GLB1L2: variants seen among roughly 807,000 people sequenced by gnomAD.
GLB1L2 encodes the protein galactosidase beta 1 like 2, also known as beta-galactosidase-1-like protein 2.
In GLB1L2, 68 loss-of-function variants were observed where a neutral mutation model predicts 84.1. The observed-to-expected ratio is 0.81, with a 90% CI of 0.67 to 0.99. The LOEUF (loss-of-function observed/expected upper bound fraction) is 0.99. Ranked by LOEUF, GLB1L2 falls within the 50% of genes least tolerant of loss-of-function variation. The pLI is 0.00. For missense variants in GLB1L2, 762 were observed against 805.6 expected, an observed-to-expected ratio of 0.95 and a Z score of 0.66; for synonymous variants, 290 against 318.0, an observed-to-expected ratio of 0.91 and a Z score of 0.94.
In GLB1L2 at chr11:134,339,453, T is replaced by G. The variant is rs10791354; in HGVS notation, c.87-3301T>G. On this transcript the variant is annotated intron_variant, in intron 1 of 18. Coordinates refer to ENST00000535456, the MANE Select transcript of GLB1L2 (RefSeq NM_001370461.1). This position sits in a 1 kb window ranked among gnomAD's most constrained non-coding sequence, Gnocchi z 5.7. ...ACACGTATCATCCTCATTTTCTTGGTGAATCCATCCCTTTTAATAAGGTAT... is the reference window on the plus strand; with the variant it reads ...ACACGTATCATCCTCATTTTCTTGGGGAATCCATCCCTTTTAATAAGGTAT... 0.32 allele frequency among the ~76,000 whole-genome samples: 49,296 copies of G among 151,942 alleles called. 8,400 individuals are homozygous for G. The highest frequency in any genetic ancestry group is 0.38 in the Non-Finnish European group (26,083 of 67,948).
chr11:134,342,673 C>T (rs888887049), intron 1 of GLB1L2, 81 bp from the exon 2 acceptor site: 3 of 1,378,978 alleles, frequency 2.2e-6, no homozygotes, highest in Non-Finnish European at 3.0e-6. Flanking sequence ...AGAGAAATGC[C>T]GAGGACCTGC....
At chr11:134,332,196 C>T (rs917815309) in intron 1 of GLB1L2, 49 bp downstream of exon 1, 4 of 1,313,190 alleles carry the variant, frequency 3.0e-6, no homozygotes, top group African/African-American at 1.5e-5. Context: ...ATTCCCCAGC[C>T]CTCCGCACCT....
intron 16 of GLB1L2, 91 bp downstream of exon 16, chr11:134,373,899 C>T (rs1336423497): frequency 6.7e-5 from 66 of 991,326 alleles, no homozygotes; most frequent in Admixed American, 1.1e-4. Flanking sequence ...TGGCCTGGCC[C>T]GCACCCAGGT....
intron 1 of GLB1L2, among the ~76,000 whole-genome samples, chr11:134,341,154 C>T (rs1393022413): frequency 1.3e-5 from 2 of 152,210 alleles, no homozygotes; most frequent in African/African-American, 2.4e-5. Context: ...AAAGCTTTCT[C>T]TTTGGAGAAA....
chr11:134,359,658 G>A (rs142594464), intron 7 of GLB1L2: 4 of 152,512 alleles, frequency 2.6e-5, no homozygotes, highest in East Asian at 1.9e-4. Flanking sequence ...ATCAGCCTCC[G>A]TGTGCCTCTG....
Position 134,342,842 on chromosome 11 carries a change from T to G in GLB1L2, c.175T>G (p.Ser59Ala). 13 of 1,614,022 alleles carry G rather than the reference T, an allele frequency of 8.1e-6. No individual in the cohort carries two copies. Among genetic ancestry groups the G allele is most frequent in the Non-Finnish European group, 1.1e-5 (13 of 1,180,020 alleles). Residue 59 changes from serine to alanine, a missense_variant, in exon 2 of 19, where the codon TCC becomes GCC. Physicochemically the swap from Ser to Ala is moderately conservative, Grantham distance 99 (BLOSUM62 1). Transcript: ENST00000535456. Reference protein sequence around the residue: ...AKGWNFMLEDSTFWIFGGSIH... With the variant: ...AKGWNFMLEDATFWIFGGSIH... Reference sequence around the variant, plus strand: ...GGGCTGGAACTTCATGCTGGAGGATTCCACCTTCTGGATCTTCGGGGGCTC... The same window carrying G: ...GGGCTGGAACTTCATGCTGGAGGATGCCACCTTCTGGATCTTCGGGGGCTC...
chr11:134,372,277 G>A lies in GLB1L2; in HGVS notation c.1507+447G>A, dbSNP rs954079096. Among the ~76,000 whole-genome samples the A allele has an allele frequency of 5.9e-5, 9 of 152,148 alleles. No individual in the cohort carries two copies. The South Asian group carries it at 1.2e-3, about 21-fold the overall frequency. The stretch of plus-strand genomic sequence containing the variant: ...CTCAGATGTTGGGGGAGGAGGATGC[G>A]GGACATACAGCAAACAAAACACCTG... On this transcript the variant is annotated intron_variant, in intron 15 of 18. Coordinates refer to ENST00000535456, the MANE Select transcript of GLB1L2 (RefSeq NM_001370461.1).
Position 134,375,320 on chromosome 11 carries a change from G to T in GLB1L2, c.*262G>T. The T allele has an allele frequency of 2.2e-6, 1 of 455,072 alleles. No homozygotes were observed. The highest frequency in any genetic ancestry group is 4.0e-5 in the Admixed American group (1 of 25,030). 28.2% of individuals were successfully genotyped at this position (455,072 alleles called of 1,614,324 possible). A position where few individuals can be genotyped will look rare whatever the true frequency, so the allele number is the denominator to read the frequency against. ...TGCCGAGGCTGTCGGGCTGTCTCTAGGGTGGGAGCAGCTAATCAGATCGCC... is the reference window on the plus strand; with the variant it reads ...TGCCGAGGCTGTCGGGCTGTCTCTATGGTGGGAGCAGCTAATCAGATCGCC... On this transcript the variant is annotated 3_prime_UTR_variant, in exon 19 of 19. Coordinates refer to ENST00000535456, the MANE Select transcript of GLB1L2 (RefSeq NM_001370461.1).
rs577655569 is a variant in GLB1L2 at position 134,334,884 on chromosome 11, T to A, written c.86+2737T>A. The stretch of plus-strand genomic sequence containing the variant: ...TCATTCTCTTCCTATTCGCACTCCA[T>A]GAACACAAGAATGCCTGCTTGATAT... On this transcript the variant is annotated intron_variant, in intron 1 of 18. Transcript: ENST00000535456. The surrounding 1 kb of genome is among the most constrained non-coding windows in gnomAD (Gnocchi z 4.1). Among the ~76,000 whole-genome samples, 2 of 152,178 alleles carry A rather than the reference T, an allele frequency of 1.3e-5. No homozygotes were observed. Among genetic ancestry groups the A allele is most frequent in the African/African-American group, 4.8e-5 (2 of 41,440 alleles).
At chr11:134,367,955 C>T (rs185535735) in intron 9 of GLB1L2, among the ~76,000 whole-genome samples, 1 of 152,334 alleles carries the variant, frequency 6.6e-6, no homozygotes, top group Non-Finnish European at 1.5e-5. Flanking sequence ...TCTGCGCACC[C>T]GGCTTTCCCT....
At position 134,343,927 on chromosome 11, in the gene GLB1L2, C is replaced by T. The variant is rs1020284089; in HGVS notation, c.285-460C>T. Reference sequence around the variant, plus strand: ...TGTGTCATCCATGAGTCGTCCCTTCCGCCTCTCGAGTTGAGCCTGTCCATG... The same window carrying T: ...TGTGTCATCCATGAGTCGTCCCTTCTGCCTCTCGAGTTGAGCCTGTCCATG... On this transcript the variant is annotated intron_variant, in intron 2 of 18. Coordinates refer to ENST00000535456, the MANE Select transcript of GLB1L2 (RefSeq NM_001370461.1). 7.9e-5 allele frequency among the ~76,000 whole-genome samples: 12 copies of T among 152,330 alleles called. No individual in the cohort carries two copies. The South Asian group carries it at 1.2e-3, about 16-fold the overall frequency.
chr11:134,363,526 C>T (rs1173418833), intron 7 of GLB1L2, among the ~76,000 whole-genome samples: 1 of 152,246 alleles, frequency 6.6e-6, no homozygotes, highest in East Asian at 1.9e-4. Context: ...GTCAGCCAAA[C>T]AGAGCGCACC....
chr11:134,359,865 C>T (rs942519573), intron 7 of GLB1L2: 2 of 152,374 alleles, frequency 1.3e-5, no homozygotes, highest in Admixed American at 6.5e-5. Flanking sequence ...TCCAGATCCC[C>T]AGCCTGGGGG....
chr11:134,369,736 C>T, intron 10 of GLB1L2, 69 bp from the exon 11 acceptor site: 1 of 1,401,948 alleles, frequency 7.1e-7, no homozygotes, highest in Non-Finnish European at 9.9e-7. Context: ...CAAGCTTCTC[C>T]CTGTTCTTCG....
At chr11:134,367,206 C>T (rs1565441573) in intron 8 of GLB1L2, 51 bp from the exon 9 acceptor site, 4 of 1,503,510 alleles carry the variant, frequency 2.7e-6, no homozygotes, top group Admixed American at 3.4e-5. Context: ...GAGCTTCCCT[C>T]TTTTTTGTCT....
At chr11:134,356,441 T>A (rs1399323677) in intron 6 of GLB1L2, 48 bp downstream of exon 6, 1 of 1,345,464 alleles carries the variant, frequency 7.4e-7, no homozygotes, top group Non-Finnish European at 1.1e-6. Flanking sequence ...CTCTGGAGTG[T>A]GCTATAGGCT....
chr11:134,374,114 C>T (rs770873936), intron 16 of GLB1L2, 31 bp from the exon 17 acceptor site: 9 of 1,496,308 alleles, frequency 6.0e-6, no homozygotes, highest in Admixed American at 1.7e-5. Context: ...GAAGGGCCTC[C>T]TCCCTCTCCT....
At chr11:134,358,603 C>T (rs1201877506) in intron 6 of GLB1L2, among the ~76,000 whole-genome samples, 1 of 152,276 alleles carries the variant, frequency 6.6e-6, no homozygotes, top group East Asian at 1.9e-4. Context: ...ATCCCCCAAA[C>T]CCACACCGGC....
chr11:134,332,797 G>C (rs1203902876), intron 1 of GLB1L2, among the ~76,000 whole-genome samples: 1 of 152,178 alleles, frequency 6.6e-6, no homozygotes, highest in Admixed American at 6.5e-5. Flanking sequence ...GCAAAGGAGT[G>C]GCTTCAGTGA....
Sources: gnomAD v4.1 joint callset for allele counts (sites outside exome capture counted in the v4.1 genomes callset) on GRCh38, gnomAD v4.1.1 for gene constraint, Gnocchi (gnomAD v3.1) non-coding constraint, MANE v1.5 for transcripts, NCBI Gene and HGNC (gene_info 2026-07-23, HGNC 2026-07-21) for gene names.